Variants in BCAS1 observed in about 807,000 individuals in gnomAD.
BCAS1 encodes brain enriched myelin associated protein 1.
In BCAS1, 46 loss-of-function variants were observed where a neutral mutation model predicts 65.4. That is an observed-to-expected ratio of 0.70 (90% CI 0.55 to 0.90). The LOEUF (loss-of-function observed/expected upper bound fraction) is 0.90. Ranked by LOEUF, BCAS1 falls within the 40% of genes least tolerant of loss-of-function variation. BCAS1 has a pLI of 0.00. For missense variants in BCAS1, 793 were observed against 771.2 expected, an observed-to-expected ratio of 1.03 and a Z score of -0.33; for synonymous variants, 298 against 293.5, an observed-to-expected ratio of 1.02 and a Z score of -0.16.
At chr20:53,992,904 A>T (rs2090800763) in intron 6 of BCAS1, among the ~76,000 whole-genome samples, 1 of 152,170 alleles carries the variant, frequency 6.6e-6, no homozygotes, top group African/African-American at 2.4e-5. Flanking sequence ...GACAGAACAA[A>T]ACAAAACTCT....
rs571916298 is a variant in BCAS1 at position 54,030,260 on chromosome 20, T to C, written c.143-1288A>G. Among the ~76,000 whole-genome samples the C allele has an allele frequency of 4.2e-4, 64 of 152,370 alleles. No homozygotes were observed. In the South Asian group the frequency reaches 0.011, roughly 27 times the overall value. On this transcript the variant is annotated intron_variant, in intron 3 of 12. Coordinates refer to ENST00000688948, the MANE Select transcript of BCAS1 (RefSeq NM_001366298.2). ...ATCAAGATTCTCTACTGATAAGCTG[T>C]GTGATATGGAGTAAATCACTAAAGA...
intron 9 of BCAS1, 118 bp downstream of exon 9, chr20:53,975,271 C>T (rs1286221988): frequency 2.4e-6 from 2 of 831,184 alleles, no homozygotes; most frequent in African/African-American, 3.4e-5. Context: ...GAGTCTACAA[C>T]AAACGAATCA....
intron 4 of BCAS1, among the ~76,000 whole-genome samples, chr20:54,005,770 G>T (rs2091172766): frequency 6.6e-6 from 1 of 152,166 alleles, no homozygotes; most frequent in Admixed American, 6.5e-5. Context: ...AGCATAGGTT[G>T]CAAGTAGACT....
At chr20:54,031,690 G>T (rs1449698978) in intron 3 of BCAS1, among the ~76,000 whole-genome samples, 1 of 151,298 alleles carries the variant, frequency 6.6e-6, no homozygotes, top group Non-Finnish European at 1.5e-5. Context: ...ATCCAGCTGT[G>T]CCTGAAGCTG....
chr20:54,032,588 T>C (rs1183647502), intron 3 of BCAS1, among the ~76,000 whole-genome samples: 1 of 151,248 alleles, frequency 6.6e-6, no homozygotes, highest in Admixed American at 6.6e-5. Context: ...CCATCTCCTA[T>C]GCAGTGACAC....
At chr20:54,059,074 A>T (rs1256637312) in intron 1 of BCAS1, among the ~76,000 whole-genome samples, 1 of 152,122 alleles carries the variant, frequency 6.6e-6, no homozygotes, top group Non-Finnish European at 1.5e-5. Context: ...CGCGAGACTC[A>T]CTCAGTATCA....
chr20:54,016,219 A>C (rs934564858), intron 4 of BCAS1, among the ~76,000 whole-genome samples: 2 of 152,168 alleles, frequency 1.3e-5, no homozygotes, highest in African/African-American at 2.4e-5. Context: ...AATATGAAAG[A>C]CCTATTGGAT....
chr20:53,947,710 C>T (rs955853638), intron 12 of BCAS1, among the ~76,000 whole-genome samples: 33 of 152,138 alleles, frequency 2.2e-4, no homozygotes, highest in African/African-American at 7.7e-4. Context: ...ATCTCTGAAC[C>T]CTGAGCTGGG....
intron 4 of BCAS1, among the ~76,000 whole-genome samples, chr20:54,000,695 G>A (rs1480209546): frequency 6.6e-6 from 1 of 151,846 alleles, no homozygotes; most frequent in Admixed American, 6.6e-5. Context: ...CTGCCCTGTG[G>A]TTCCTTTTGG....
intron 7 of BCAS1, 127 bp from the exon 8 acceptor site, chr20:53,985,626 T>C (rs1399298653): frequency 2.6e-5 from 22 of 850,080 alleles, no homozygotes; most frequent in Non-Finnish European, 3.6e-5. Context: ...TTTATATTTT[T>C]CTGTATTTTA....
Position 53,969,750 on chromosome 20 carries a change from C to G in BCAS1, c.1318-2677G>C, listed in dbSNP as rs150346932. ...TTGTTACCTCATGGTTAAAAAATAG[C>G]TGCCACAATTCCAGATATCACATCC... On this transcript the variant is annotated intron_variant, in intron 9 of 12. Coordinates refer to ENST00000688948, the MANE Select transcript of BCAS1 (RefSeq NM_001366298.2). Among the ~76,000 whole-genome samples, 382 of 152,260 alleles carry G rather than the reference C, an allele frequency of 2.5e-3. 2 individuals are homozygous for G. The highest frequency in any genetic ancestry group is 9.0e-3 in the African/African-American group (375 of 41,544).
At chr20:53,972,555 C>T (rs1456276038) in intron 9 of BCAS1, among the ~76,000 whole-genome samples, 1 of 152,214 alleles carries the variant, frequency 6.6e-6, no homozygotes, top group Non-Finnish European at 1.5e-5. Flanking sequence ...AAGGAATTAG[C>T]ATGGCTGTGT....
At chr20:54,043,328 TGACGATGA>T (rs1379381638) in intron 3 of BCAS1, among the ~76,000 whole-genome samples, 1 of 133,326 alleles carries the variant, frequency 7.5e-6, no homozygotes, top group Non-Finnish European at 1.6e-5. Flanking sequence ...ATGATGATGA[TGACGATGA>T]TTTTTTTTAT....
At chr20:53,945,404 CT>C (rs10583008) in intron 12 of BCAS1, among the ~76,000 whole-genome samples, 17,099 of 141,738 alleles carry the variant, frequency 0.12, 1,136 homozygotes, top group South Asian at 0.24. Context: ...TTATTTTCTT[CT>C]TTTTTTTTTA....
intron 4 of BCAS1, among the ~76,000 whole-genome samples, chr20:54,016,097 T>C (rs1220591668): frequency 6.6e-6 from 1 of 152,202 alleles, no homozygotes; most frequent in African/African-American, 2.4e-5. Context: ...TGCATGCTAT[T>C]TTGAAATCTG....
intron 10 of BCAS1, among the ~76,000 whole-genome samples, chr20:53,960,509 A>G (rs149469742): frequency 1.3e-5 from 2 of 148,168 alleles, no homozygotes; most frequent in African/African-American, 4.9e-5. Context: ...GAGAGAGAGT[A>G]TCTCAAACTT....
intron 4 of BCAS1, among the ~76,000 whole-genome samples, chr20:54,022,467 T>C (rs769773578): frequency 1.3e-5 from 2 of 152,232 alleles, no homozygotes; most frequent in Non-Finnish European, 2.9e-5. Context: ...TGACTACTAC[T>C]GATGGCCTAT....
intron 4 of BCAS1, among the ~76,000 whole-genome samples, chr20:54,003,576 T>C (rs1031347969): frequency 2.0e-5 from 3 of 152,218 alleles, no homozygotes; most frequent in African/African-American, 7.2e-5. Context: ...ATAGTTTGCA[T>C]TAAAAATGGG....
intron 6 of BCAS1, among the ~76,000 whole-genome samples, chr20:53,993,137 T>A (rs1057392770): frequency 7.2e-5 from 11 of 152,176 alleles, no homozygotes; most frequent in African/African-American, 2.4e-4. Flanking sequence ...GGAAGCAATA[T>A]CACCTGCAAA....
Sources: allele counts gnomAD v4.1 joint callset (sites outside exome capture counted in the v4.1 genomes callset), GRCh38; gene constraint gnomAD v4.1.1; transcripts MANE v1.5; gene names NCBI Gene and HGNC (gene_info 2026-07-23, HGNC 2026-07-21).